TMEM71: variants seen among roughly 807,000 people sequenced by gnomAD.
The protein encoded by TMEM71 is transmembrane protein 71.
A neutral mutation model predicts 38.0 loss-of-function variants in TMEM71; 44 were observed. The observed-to-expected ratio is 1.16, with a 90% CI of 0.91 to 1.49. The LOEUF (loss-of-function observed/expected upper bound fraction) is 1.49, where lower values mean the gene tolerates loss of function less well. Among genes scored for constraint, TMEM71 ranks in the 40% most tolerant of loss-of-function variants. The pLI is 0.00. For synonymous variants in TMEM71, 133 were observed against 122.5 expected (o/e 1.09, Z -0.56); for missense variants, 367 against 348.6 (o/e 1.05, Z -0.42).
chr8:132,736,515 A>G (rs1173594836), intron 5 of TMEM71, among the ~76,000 whole-genome samples: 2 of 152,136 alleles, frequency 1.3e-5, no homozygotes, highest in Non-Finnish European at 2.9e-5. Flanking sequence ...AGTTAATAAT[A>G]ATGTGTTGTA....
intron 3 of TMEM71, among the ~76,000 whole-genome samples, chr8:132,756,998 C>T (rs1235371947): frequency 6.6e-6 from 1 of 151,968 alleles, no homozygotes; most frequent in African/African-American, 2.4e-5. Flanking sequence ...GTCATTCTCC[C>T]GCCTCAGGCT....
At chr8:132,732,731 AG>A (rs760857352) in intron 5 of TMEM71, among the ~76,000 whole-genome samples, 6 of 152,124 alleles carry the variant, frequency 3.9e-5, no homozygotes, top group African/African-American at 9.7e-5. Flanking sequence ...AGTTCTTAAT[AG>A]GGGGTGATTT....
At chr8:132,768,500 A>G in the TMEM71 span, among the ~76,000 whole-genome samples, 2 of 152,202 alleles carry the variant, frequency 1.3e-5, no homozygotes, top group East Asian at 1.9e-4. Flanking sequence ...CAAAAATGCT[A>G]TATGTATATC....
At chr8:132,755,039 A>G (rs1039478145) in intron 3 of TMEM71, among the ~76,000 whole-genome samples, 8 of 152,156 alleles carry the variant, frequency 5.3e-5, no homozygotes, top group African/African-American at 1.9e-4. Flanking sequence ...CTCCTACTCT[A>G]GTGCTCTTTC....
In TMEM71 at chr8:132,758,881, T is replaced by C; in HGVS notation, c.-2A>G. 1 of 1,613,752 alleles carries C rather than the reference T, an allele frequency of 6.2e-7. No homozygotes were observed. The highest frequency in any genetic ancestry group is 1.1e-5 in the South Asian group (1 of 91,044). ...CATCAGTTGAGATATTCGGTACATC[T>C]TGGGAAGGCCGCTTGCTCAAACTTC... On this transcript the variant is annotated 5_prime_UTR_variant, in exon 2 of 10. Coordinates refer to ENST00000677595, the MANE Select transcript of TMEM71 (RefSeq NM_001382403.1).
At chr8:132,725,596 T>G (rs1033091401) in intron 6 of TMEM71, among the ~76,000 whole-genome samples, 1 of 152,226 alleles carries the variant, frequency 6.6e-6, no homozygotes, top group African/African-American at 2.4e-5. Context: ...CTTTGGCACC[T>G]GGAAAAGAAC....
At chr8:132,725,158 T>C (rs1827073176) in intron 6 of TMEM71, among the ~76,000 whole-genome samples, 1 of 151,984 alleles carries the variant, frequency 6.6e-6, no homozygotes, top group Admixed American at 6.6e-5. Flanking sequence ...CCACCTCAGC[T>C]TCCCAGCTAG....
chr8:132,719,578 T>C (rs1375949625), intron 7 of TMEM71, among the ~76,000 whole-genome samples: 1 of 152,244 alleles, frequency 6.6e-6, no homozygotes, highest in Non-Finnish European at 1.5e-5. Context: ...ATACTCAACC[T>C]GTATGTGCAA....
Position 132,747,017 on chromosome 8 carries a change from T to C in TMEM71, c.412A>G (p.Ile138Val). ...SWLHGSIFGD[I>V]NSSPSEDNWL... ...TTGTCTTCACTTGGAGAAGAGTTGA[T>C]GTCACCAAAGATACTTCCATGCAGC... The change falls in exon 5 of 10, where the codon ATC (isoleucine) becomes GTC (valine). Residue 138 changes from isoleucine (I) to valine (V), a missense_variant. Coordinates refer to ENST00000677595, the MANE Select transcript of TMEM71 (RefSeq NM_001382403.1). 1 of 1,613,914 alleles carries C rather than the reference T, an allele frequency of 6.2e-7. No individual in the cohort carries two copies. Among genetic ancestry groups the C allele is most frequent in the Non-Finnish European group, 8.5e-7 (1 of 1,179,926 alleles).
At chr8:132,708,813 A>G (rs1472545824), downstream of TMEM71, among the ~76,000 whole-genome samples, 1 of 152,238 alleles carries the variant, frequency 6.6e-6, no homozygotes, top group Non-Finnish European at 1.5e-5. Context: ...AAAGTCAGAA[A>G]AGGAGATGTG....
intron 7 of TMEM71, among the ~76,000 whole-genome samples, chr8:132,721,014 AG>A (rs1200120077): frequency 6.6e-6 from 1 of 152,244 alleles, no homozygotes; most frequent in African/African-American, 2.4e-5. Flanking sequence ...AAGTAAAGCA[AG>A]GTGCATGCGA....
At chr8:132,766,792 A>T in the TMEM71 span, among the ~76,000 whole-genome samples, 1,747 of 76,602 alleles carry the variant, frequency 0.023, 59 homozygotes, top group African/African-American at 0.052. Context: ...CTAAAAAAAA[A>T]AAATAAAAAT....
chr8:132,729,805 A>G (rs1157248585), intron 5 of TMEM71, among the ~76,000 whole-genome samples: 1 of 152,210 alleles, frequency 6.6e-6, no homozygotes, highest in African/African-American at 2.4e-5. Flanking sequence ...TAGGGACTCA[A>G]AATGCTATTT....
intron 9 of TMEM71, 86 bp from the exon 10 acceptor site, chr8:132,711,068 G>T: frequency 1.6e-6 from 2 of 1,251,280 alleles, no homozygotes; most frequent in Non-Finnish European, 2.3e-6. Context: ...ACCCATTTGC[G>T]CATATATAAG....
chr8:132,710,961 T>C lies in TMEM71; in HGVS notation c.*6A>G. ...GACATTCATCGAAGGCATTCCTAAA[T>C]GGTTGTCAAATTTTGACAAACCTAG... On this transcript the variant is annotated 3_prime_UTR_variant, in exon 10 of 10. Transcript: ENST00000677595. The C allele has an allele frequency of 1.2e-6, 2 of 1,607,648 alleles. No homozygotes were observed. Among genetic ancestry groups the C allele is most frequent in the Non-Finnish European group, 1.7e-6 (2 of 1,177,888 alleles).
At chr8:132,728,697 G>A (rs899225088) in intron 5 of TMEM71, among the ~76,000 whole-genome samples, 2 of 152,142 alleles carry the variant, frequency 1.3e-5, no homozygotes, top group Non-Finnish European at 2.9e-5. Flanking sequence ...CATCTTTATA[G>A]GACCAAACTT....
At chr8:132,764,764 A>G (rs770730971), upstream of TMEM71, among the ~76,000 whole-genome samples, 6 of 152,204 alleles carry the variant, frequency 3.9e-5, no homozygotes, top group South Asian at 2.1e-4. Context: ...CTTTCAGAGG[A>G]TGCATCACAA....
chr8:132,722,605 A>G (rs1436542396), intron 6 of TMEM71, among the ~76,000 whole-genome samples: 4 of 152,184 alleles, frequency 2.6e-5, no homozygotes, highest in Admixed American at 1.3e-4. Flanking sequence ...GAAATGATGA[A>G]CTTGTCCAAG....
intron 4 of TMEM71, among the ~76,000 whole-genome samples, chr8:132,748,446 A>G (rs1828513893): frequency 2.0e-5 from 3 of 152,200 alleles, no homozygotes; most frequent in South Asian, 4.1e-4. Context: ...GCCCACAACA[A>G]ATAATTATCT....
Sources: allele counts gnomAD v4.1 joint callset (sites outside exome capture counted in the v4.1 genomes callset), GRCh38; gene constraint gnomAD v4.1.1; transcripts MANE v1.5; gene names NCBI Gene and HGNC (gene_info 2026-07-23, HGNC 2026-07-21).